Variants in SFPQ observed in about 807,000 individuals in gnomAD.
SFPQ encodes the protein splicing factor proline and glutamine rich, also known as splicing factor, proline- and glutamine-rich.
Under a neutral mutation model 72.9 loss-of-function variants are expected in SFPQ, and 11 were observed. The observed-to-expected ratio is 0.15, with a 90% CI of 0.09 to 0.25. The LOEUF is 0.25. Ranked by LOEUF, SFPQ falls within the 10% of genes least tolerant of loss-of-function variation. SFPQ has a pLI of 1.00. For missense variants in SFPQ, 847 were observed against 993.3 expected, an observed-to-expected ratio of 0.85 and a Z score of 1.98; for synonymous variants, 506 against 367.3, an observed-to-expected ratio of 1.38 and a Z score of -4.32.
chr1:35,188,815 G>A (rs566785487), intron 6 of SFPQ, among the ~76,000 whole-genome samples, 188 bp downstream of exon 6: 1 of 152,322 alleles, frequency 6.6e-6, no homozygotes, highest in East Asian at 1.9e-4. Context: ...GGAAGAATTA[G>A]CCAGGTGTCG....
At chr1:35,188,128 C>A (rs1278506953) in intron 6 of SFPQ, 38 bp from the exon 7 acceptor site, 1 of 1,433,404 alleles carries the variant, frequency 7.0e-7, no homozygotes, top group African/African-American at 1.4e-5. Flanking sequence ...GAAGTGTTAT[C>A]CACATCTTTT....
chr1:35,188,665 G>GA (rs895820763), intron 6 of SFPQ, among the ~76,000 whole-genome samples: 3 of 151,948 alleles, frequency 2.0e-5, no homozygotes, highest in African/African-American at 7.3e-5. Flanking sequence ...AAAAAAGGAA[G>GA]AAAAAAAATG....
At chr1:35,182,515 T>C (rs150643679), downstream of SFPQ, 638 of 985,410 alleles carry the variant, frequency 6.5e-4, 5 homozygotes, top group African/African-American at 0.011. Flanking sequence ...TTTTATACAC[T>C]AGTGTTTACT....
downstream of SFPQ, chr1:35,178,854 C>T: frequency 9.5e-7 from 1 of 1,050,644 alleles, no homozygotes; most frequent in Non-Finnish European, 1.1e-6. Flanking sequence ...TCCACATTGT[C>T]CTATCTTAAG....
rs1032370016 is a variant in SFPQ, at chr1:35,192,499, G to C, written c.551C>G (p.Pro184Arg). 6.8e-6 allele frequency: 9 copies of C among 1,326,296 alleles called. No homozygotes were observed. The highest frequency in any genetic ancestry group is 8.6e-6 in the Non-Finnish European group (9 of 1,045,100). The allele number at this position is 1,326,296 out of a possible 1,614,324, so 82.2% of individuals were successfully genotyped here. Residue 184 changes from proline to arginine, a missense_variant, in exon 1 of 10, where the codon CCG (proline) becomes CGG (arginine). Coordinates refer to ENST00000357214, the MANE Select transcript of SFPQ (RefSeq NM_005066.3). The part of the protein sequence containing the change: ...VPTTPPQAGG[P>R]PPPPAAVPGP... ...CGGGACTGCCGCGGGCGGAGGCGGC[G>C]GGCCTCCGGCCTGAGGAGGTGTGGT...
At chr1:35,177,392 C>A (rs1361067424) in exon 5 of SFPQ, 1 of 152,148 alleles carries the variant, frequency 6.6e-6, no homozygotes, top group Admixed American at 6.6e-5. Context: ...TGAGAAGTAT[C>A]TATCCACCTG....
downstream of SFPQ, chr1:35,180,875 A>G (rs2148606538): frequency 1.0e-6 from 1 of 985,364 alleles, no homozygotes; most frequent in Non-Finnish European, 1.2e-6. Context: ...CAATGCAACT[A>G]AAGGAAACCA....
rs1244214499 is a variant in SFPQ at position 35,187,221 on chromosome 1, C to T, written c.1846G>A (p.Gly616Arg). ...CACTTACCTCCCATGTTCATTGCTCCTCCGCCACCCATTCGCATGTCTCTT... is the reference window on the plus strand; with the variant it reads ...CACTTACCTCCCATGTTCATTGCTCTTCCGCCACCCATTCGCATGTCTCTT... ...RERDMRMGGG[G>R]AMNMGDPYGS... Residue 616 changes from glycine to arginine, a missense_variant, in exon 8 of 10, where the codon GGA becomes AGA. By Grantham distance (125) the Gly-to-Arg change is moderately radical (BLOSUM62 -2). This residue lies in a region of SFPQ where 154 missense variants were observed against 186.0 expected (regional missense o/e 0.83). Coordinates refer to ENST00000357214, the MANE Select transcript of SFPQ (RefSeq NM_005066.3). 6.2e-7 allele frequency: 1 copy of T among 1,614,154 alleles called. No individual in the cohort carries two copies.
Position 35,191,046 on chromosome 1 carries a change from A to G in SFPQ, c.1018-51T>C, listed in dbSNP as rs1276071774. The G allele has an allele frequency of 7.4e-6, 11 of 1,477,942 alleles. 2 individuals carry two copies. In the South Asian group the frequency reaches 1.3e-4, roughly 18 times the overall value. The allele number at this position is 1,477,942 out of a possible 1,614,324, so 91.6% of individuals were successfully genotyped here. On this transcript the variant is annotated intron_variant, in intron 2 of 9. Coordinates refer to ENST00000357214, the MANE Select transcript of SFPQ (RefSeq NM_005066.3). Reference sequence around the variant, plus strand: ...ATGACCTCAAAATTGGATGATGTCTACTCTTAAATTGTCATAGGCCTACTT... The same window carrying G: ...ATGACCTCAAAATTGGATGATGTCTGCTCTTAAATTGTCATAGGCCTACTT...
rs1639764597 is a variant in SFPQ at position 35,187,239 on chromosome 1, T to A, written c.1828A>T (p.Met610Leu). Residue 610 changes from methionine (M) to leucine (L), a missense_variant, in exon 8 of 10, where the codon ATG becomes TTG. Transcript: ENST00000357214. ...MGYMDPRERD[M>L]RMGGGGAMNM... ...ATTGCTCCTCCGCCACCCATTCGCA[T>A]GTCTCTTTCCCGCTGCAAGAAAAAA... The A allele has an allele frequency of 1.2e-6, 2 of 1,614,122 alleles. No individual in the cohort carries two copies. The highest frequency in any genetic ancestry group is 1.7e-5 in the Admixed American group (1 of 60,008).
At position 35,183,300 on chromosome 1, in the gene SFPQ, C is replaced by A; in HGVS notation, c.*1156G>T. 1 of 412,532 alleles carries A rather than the reference C, an allele frequency of 2.4e-6. No individual in the cohort carries two copies. The highest frequency in any genetic ancestry group is 3.3e-6 in the Non-Finnish European group (1 of 299,596). The allele number at this position is 412,532 out of a possible 1,614,324, so 25.6% of individuals were successfully genotyped here. ...CAGTGGCAGTCTCAGCTCACTGCAACCTCCATCTCCAGGTTCAAGCAATTC... is the reference window on the plus strand; with the variant it reads ...CAGTGGCAGTCTCAGCTCACTGCAAACTCCATCTCCAGGTTCAAGCAATTC... On this transcript the variant is annotated 3_prime_UTR_variant, in exon 10 of 10. Transcript: ENST00000357214.
chr1:35,192,073 G>GGCCCCGCAGGCC (rs1367287466), intron 1 of SFPQ, 149 bp downstream of exon 1: 4 of 498,698 alleles, frequency 8.0e-6, no homozygotes, highest in African/African-American at 2.0e-5. Flanking sequence ...GCCGACCGAC[G>GGCCCCGCAGGCC]GCCCCGCAGG....
chr1:35,192,460 C>A lies in SFPQ; in HGVS notation c.590G>T (p.Gly197Val), dbSNP rs866422394. 4 of 1,357,452 alleles carry A rather than the reference C, an allele frequency of 2.9e-6. No homozygotes were observed. The highest frequency in any genetic ancestry group is 3.8e-6 in the Non-Finnish European group (4 of 1,063,310). The allele number at this position is 1,357,452 out of a possible 1,614,324, so 84.1% of individuals were successfully genotyped here. Residue 197 changes from glycine (G) to valine (V), a missense_variant, in exon 1 of 10, where the codon GGG becomes GTG. Transcript: ENST00000357214. ...ACCCGGACCTGGGCCCTGCTTAGGC[C>A]CTGGACCCGGGCCCGGGACTGCCGC... ...PPAAVPGPGP[G>V]PKQGPGPGGP...
chr1:35,186,744 T>C (rs1323504541), intron 9 of SFPQ, among the ~76,000 whole-genome samples: 1 of 152,190 alleles, frequency 6.6e-6, no homozygotes, highest in African/African-American at 2.4e-5. Flanking sequence ...AATCTACTTA[T>C]TGCCAAAGGT....
chr1:35,192,265 C>G lies in SFPQ; in HGVS notation c.785G>C (p.Gly262Ala). 6.8e-7 allele frequency: 1 copy of G among 1,463,736 alleles called. No homozygotes were observed. Among genetic ancestry groups the G allele is most frequent in the South Asian group, 1.3e-5 (1 of 76,936 alleles). The allele number at this position is 1,463,736 out of a possible 1,614,324, so 90.7% of individuals were successfully genotyped here. A position where few individuals can be genotyped will look rare whatever the true frequency, so the allele number is the denominator to read the frequency against. ...HQQHHQGPPP[G>A]GPGGRSEEKI... Reference sequence around the variant, plus strand: ...CTCCTCGCTGCGGCCGCCGGGCCCGCCGGGCGGGGGCCCCTGGTGATGCTG... The same window carrying G: ...CTCCTCGCTGCGGCCGCCGGGCCCGGCGGGCGGGGGCCCCTGGTGATGCTG... Residue 262 changes from glycine to alanine, a missense_variant, in exon 1 of 10, where the codon GGC becomes GCC. Physicochemically the swap from Gly to Ala is moderately conservative, Grantham distance 60. This residue lies in a region of SFPQ where 498 missense variants were observed against 405.1 expected (regional missense o/e 1.23). Coordinates refer to ENST00000357214, the MANE Select transcript of SFPQ (RefSeq NM_005066.3).
intron 4 of SFPQ, among the ~76,000 whole-genome samples, chr1:35,189,963 A>C (rs1173483023): frequency 1.3e-5 from 2 of 150,582 alleles, no homozygotes; most frequent in African/African-American, 2.4e-5. Context: ...AAAACAAAAC[A>C]AAAAAAAACG....
chr1:35,189,344 G>A lies in SFPQ; in HGVS notation c.1454C>T (p.Thr485Met), dbSNP rs765647784. The stretch of plus-strand genomic sequence containing the variant: ...TCGCTGAGAATATTCGTACTCAAAC[G>A]TGCCATGCTGGGCAAAACGAGGAGG... ...ETPPRFAQHG[T>M]FEYEYSQRWK... The change falls in exon 5 of 10, where the codon ACG becomes ATG. Residue 485 changes from threonine to methionine, a missense_variant. Transcript: ENST00000357214. 8 of 1,613,772 alleles carry A rather than the reference G, an allele frequency of 5.0e-6. No individual in the cohort carries two copies. Among genetic ancestry groups the A allele is most frequent in the Non-Finnish European group, 5.9e-6 (7 of 1,179,980 alleles).
At position 35,192,789 on chromosome 1, in the gene SFPQ, C is replaced by T. The variant is rs1640101726; in HGVS notation, c.261G>A (p.Pro87=). The change falls in exon 1 of 10, where the codon CCG becomes CCA. Residue 87 remains proline (P), a synonymous_variant. Coordinates refer to ENST00000357214, the MANE Select transcript of SFPQ (RefSeq NM_005066.3). ...GCTGATGCGGCTGTGGATGCGGCGG[C>T]GGCTGATGCGGTGGCGGCTGCTGCG... is the stretch of plus-strand genomic sequence containing the variant. ...PPPQQPPPHQ[P]PPHPQPHQQQ... is the part of the protein sequence containing the mutation. 35 of 1,497,436 alleles carry T rather than the reference C, an allele frequency of 2.3e-5. No individual in the cohort carries two copies. Among genetic ancestry groups the T allele is most frequent in the Non-Finnish European group, 3.0e-5 (34 of 1,128,460 alleles). The allele number at this position is 1,497,436 out of a possible 1,614,324, so 92.8% of individuals were successfully genotyped here.
In SFPQ at chr1:35,184,554, C is replaced by T. The variant is rs1639624246; in HGVS notation, c.2026G>A (p.Gly676Ser). 6.2e-7 allele frequency: 1 copy of T among 1,612,012 alleles called. No homozygotes were observed. The highest frequency in any genetic ancestry group is 8.5e-7 in the Non-Finnish European group (1 of 1,179,260). Residue 676 changes from glycine (G) to serine (S), a missense_variant, in exon 10 of 10, where the codon GGT becomes AGT. Physicochemically the swap from Gly to Ser is moderately conservative, Grantham distance 56 (BLOSUM62 0). This residue lies in a region of SFPQ where 154 missense variants were observed against 186.0 expected (regional missense o/e 0.83). Coordinates refer to ENST00000357214, the MANE Select transcript of SFPQ (RefSeq NM_005066.3). ...CCCATTCCTCTAGGACCCTGTCCAC[C>T]CACAGGCCCCGCACCTCCCTGCCCA... ...RFGQGGAGPV[G>S]GQGPRGMGPG...
Sources: allele counts gnomAD v4.1 joint callset (sites outside exome capture counted in the v4.1 genomes callset), GRCh38; gene constraint gnomAD v4.1.1; regional missense constraint gnomAD v4.1.1; transcripts MANE v1.5; gene names NCBI Gene and HGNC (gene_info 2026-07-23, HGNC 2026-07-21).